SYK: variants seen among roughly 807,000 people sequenced by gnomAD.
SYK encodes the protein tyrosine-protein kinase SYK.
In SYK, 16 loss-of-function variants were observed where a neutral mutation model predicts 77.8. The ratio of observed to expected loss-of-function variants is 0.21; its 90% CI spans 0.14 to 0.31. The LOEUF (loss-of-function observed/expected upper bound fraction) is 0.31. SYK is among the 10% of genes least tolerant of loss of function. SYK has a pLI of 1.00. For missense variants in SYK, 529 were observed against 814.4 expected (o/e 0.65, Z 4.26); for synonymous variants, 312 against 308.7 (o/e 1.01, Z -0.11).
At chr9:90,846,234 G>C (rs1172867851) in intron 3 of SYK, among the ~76,000 whole-genome samples, 1 of 152,192 alleles carries the variant, frequency 6.6e-6, no homozygotes, top group African/African-American at 2.4e-5. Context: ...AACTGTCTTT[G>C]GGAGGTGTCA....
At chr9:90,862,758 G>A (rs1827327897) in intron 4 of SYK, among the ~76,000 whole-genome samples, 1 of 152,200 alleles carries the variant, frequency 6.6e-6, no homozygotes, top group Admixed American at 6.5e-5. Flanking sequence ...CTAGAGCCCA[G>A]AACAGCCTTT....
At chr9:90,848,000 G>A (rs187757695) in intron 3 of SYK, among the ~76,000 whole-genome samples, 14 of 152,308 alleles carry the variant, frequency 9.2e-5, no homozygotes, top group African/African-American at 3.4e-4. Flanking sequence ...ACAGAACCTG[G>A]CTGGGGTTCT....
chr9:90,891,390 G>T (rs930824424), intron 13 of SYK, among the ~76,000 whole-genome samples: 4 of 151,750 alleles, frequency 2.6e-5, no homozygotes, highest in South Asian at 2.1e-4. Flanking sequence ...CTCATGATCC[G>T]CCCGCCTCAG....
chr9:90,862,123 A>G (rs2118782669), intron 3 of SYK, 83 bp from the exon 4 acceptor site: 1 of 1,460,202 alleles, frequency 6.8e-7, no homozygotes, highest in African/African-American at 1.4e-5. Context: ...GCTGCTGACC[A>G]TTCAGGCCAG....
At chr9:90,887,546 C>T (rs1306737370) in intron 11 of SYK, among the ~76,000 whole-genome samples, 1 of 151,658 alleles carries the variant, frequency 6.6e-6, no homozygotes, top group Admixed American at 6.6e-5. Flanking sequence ...GCTGGAATTA[C>T]AGGCACCCGC....
At chr9:90,841,135 T>C (rs1826299495) in intron 1 of SYK, among the ~76,000 whole-genome samples, 1 of 151,462 alleles carries the variant, frequency 6.6e-6, no homozygotes, top group African/African-American at 2.4e-5. Flanking sequence ...GTGTGATGTG[T>C]GTAGTGTGCA....
intron 1 of SYK, among the ~76,000 whole-genome samples, chr9:90,814,001 T>A (rs1343175535): frequency 6.6e-6 from 1 of 152,218 alleles, no homozygotes; most frequent in Non-Finnish European, 1.5e-5. Flanking sequence ...TTTTAAAATG[T>A]CCAGTTAGAG....
intron 4 of SYK, among the ~76,000 whole-genome samples, chr9:90,864,346 G>C (rs1481021321): frequency 6.6e-6 from 1 of 152,168 alleles, no homozygotes; most frequent in Non-Finnish European, 1.5e-5. Context: ...GCCCACAAAA[G>C]CCTAAAATAC....
At chr9:90,873,727 T>TA (rs1180657818) in intron 7 of SYK, among the ~76,000 whole-genome samples, 3 of 152,182 alleles carry the variant, frequency 2.0e-5, no homozygotes, top group Admixed American at 2.0e-4. Context: ...TTGGAAAACA[T>TA]ATGTGCGTTG....
intron 3 of SYK, among the ~76,000 whole-genome samples, chr9:90,855,928 A>C (rs1347651675): frequency 6.6e-6 from 1 of 152,232 alleles, no homozygotes; most frequent in Non-Finnish European, 1.5e-5. Flanking sequence ...CTGGATTAAC[A>C]ACTATGATCA....
At chr9:90,881,416 A>G (rs1473282363) in intron 11 of SYK, among the ~76,000 whole-genome samples, 1 of 152,178 alleles carries the variant, frequency 6.6e-6, no homozygotes, top group African/African-American at 2.4e-5. Context: ...GTGGTGGCTC[A>G]CGCCTGTAAT....
intron 3 of SYK, among the ~76,000 whole-genome samples, chr9:90,851,290 C>T (rs1826811357): frequency 6.6e-6 from 1 of 152,216 alleles, no homozygotes; most frequent in Admixed American, 6.5e-5. Context: ...ACAGAGGCGT[C>T]CATCAGCTTT....
chr9:90,840,992 G>A (rs1351691132), intron 1 of SYK, among the ~76,000 whole-genome samples: 1 of 152,172 alleles, frequency 6.6e-6, no homozygotes, highest in African/African-American at 2.4e-5. Flanking sequence ...TCATCGTGGT[G>A]CAGGATCTGT....
chr9:90,866,750 C>T (rs1166709485), intron 6 of SYK, among the ~76,000 whole-genome samples: 2 of 152,156 alleles, frequency 1.3e-5, no homozygotes, highest in Admixed American at 6.5e-5. Context: ...AATTTTCCAC[C>T]GTGGAACCAG....
intron 3 of SYK, among the ~76,000 whole-genome samples, chr9:90,861,641 G>A (rs967532922): frequency 7.1e-6 from 1 of 141,670 alleles, no homozygotes; most frequent in Non-Finnish European, 1.5e-5. Flanking sequence ...GGGAGCATGG[G>A]AGGGACTGAG....
intron 3 of SYK, among the ~76,000 whole-genome samples, chr9:90,854,941 G>C (rs1826962953): frequency 6.6e-6 from 1 of 150,546 alleles, no homozygotes; most frequent in African/African-American, 2.4e-5. Flanking sequence ...CCTCATGTCT[G>C]CACACACTCC....
chr9:90,811,928 AAAT>A (rs58823968), intron 1 of SYK, among the ~76,000 whole-genome samples: 111,661 of 144,240 alleles, frequency 0.77, 43,711 homozygotes, highest in East Asian at 0.99. Context: ...CCTGTCTCAA[AAAT>A]AATAAGTGAA....
Position 90,862,225 on chromosome 9 carries a change from A to G in SYK, c.598A>G (p.Asn200Asp), listed in dbSNP as rs761439688. 6.2e-7 allele frequency: 1 copy of G among 1,612,926 alleles called. No individual in the cohort carries two copies. The highest frequency in any genetic ancestry group is 1.7e-5 in the Admixed American group (1 of 59,922). Reference sequence around the variant, plus strand: ...TTCTAGGATCCGAGCCAGAGACAACAACGGCTCCTACGCCCTGTGCCTGCT... The same window carrying G: ...TTCTAGGATCCGAGCCAGAGACAACGACGGCTCCTACGCCCTGTGCCTGCT... Reference protein sequence around the residue: ...GKFLIRARDNNGSYALCLLHE... With the variant: ...GKFLIRARDNDGSYALCLLHE... Residue 200 changes from asparagine (N) to aspartate (D), a missense_variant, in exon 4 of 14, where the codon AAC (asparagine) becomes GAC (aspartate). By Grantham distance (23) the Asn-to-Asp change is conservative. Coordinates refer to ENST00000375754, the MANE Select transcript of SYK (RefSeq NM_003177.7).
intron 3 of SYK, among the ~76,000 whole-genome samples, chr9:90,846,569 A>G (rs960557154): frequency 1.3e-5 from 2 of 152,210 alleles, no homozygotes; most frequent in African/African-American, 4.8e-5. Flanking sequence ...TACTCCTGGC[A>G]GGAGGATCGC....
Sources: gnomAD v4.1 joint callset for allele counts (sites outside exome capture counted in the v4.1 genomes callset) on GRCh38, gnomAD v4.1.1 for gene constraint, MANE v1.5 for transcripts, NCBI Gene and HGNC (gene_info 2026-07-23, HGNC 2026-07-21) for gene names.